The following CNTN2 variants were observed in gnomAD, a reference collection of about 807,000 sequenced individuals.
The protein encoded by CNTN2 is contactin-2.
CNTN2 carries 53 observed loss-of-function variants against 117.5 expected under a neutral mutation model. That is an observed-to-expected ratio of 0.45 (90% CI 0.36 to 0.57). The LOEUF is 0.57. Ranked by LOEUF, CNTN2 falls within the 20% of genes least tolerant of loss-of-function variation. The probability of loss-of-function intolerance (pLI) is 0.00; values close to 1 mark genes in which losing one functional copy is unlikely to be tolerated. For missense variants in CNTN2, 1,106 were observed against 1,404.3 expected (o/e 0.79, Z 3.39); for synonymous variants, 530 against 561.7 (o/e 0.94, Z 0.80).
chr1:205,052,828 CT>C (rs200411079), intron 1 of CNTN2, among the ~76,000 whole-genome samples: 5,982 of 152,310 alleles, frequency 0.039, 185 homozygotes, highest in Non-Finnish European at 0.062. Flanking sequence ...ACTGCTTTCA[CT>C]TCCTAAGCGG....
At chr1:205,069,705 G>T in intron 17 of CNTN2, 122 bp from the exon 18 acceptor site, 1 of 1,408,730 alleles carries the variant, frequency 7.1e-7, no homozygotes, top group Non-Finnish European at 9.8e-7. Context: ...CCCCTTACGC[G>T]AATCCACGCT....
At chr1:205,055,072 G>T (rs2096458920) in intron 2 of CNTN2, among the ~76,000 whole-genome samples, 1 of 152,078 alleles carries the variant, frequency 6.6e-6, no homozygotes, top group Admixed American at 6.6e-5. Context: ...GGAGTGCAGT[G>T]GTGTGATCTT....
At chr1:205,047,170 G>A (rs947787475) in intron 1 of CNTN2, among the ~76,000 whole-genome samples, 2 of 152,146 alleles carry the variant, frequency 1.3e-5, no homozygotes, top group Admixed American at 6.5e-5. Context: ...GGGGCTGCAC[G>A]ACACCCCTGG....
intron 1 of CNTN2, among the ~76,000 whole-genome samples, chr1:205,050,106 G>A (rs1430078556): frequency 6.6e-6 from 1 of 152,192 alleles, no homozygotes; most frequent in Non-Finnish European, 1.5e-5. Context: ...CCCAGCTCAC[G>A]AAGCTGTTCA....
At chr1:205,052,514 G>A (rs2151185372) in intron 1 of CNTN2, among the ~76,000 whole-genome samples, 1 of 152,312 alleles carries the variant, frequency 6.6e-6, no homozygotes, top group East Asian at 1.9e-4. Context: ...CCATCTGGTT[G>A]GGGGCATTGC....
At position 205,061,541 on chromosome 1, in the gene CNTN2, G is replaced by A. The variant is rs145972453; in HGVS notation, c.973+121G>A. The A allele has an allele frequency of 6.7e-5, 81 of 1,211,196 alleles. 1 individual carries two copies. The East Asian group carries it at 1.8e-3, about 27-fold the overall frequency. The allele number at this position is 1,211,196 out of a possible 1,614,324, so 75.0% of individuals were successfully genotyped here. Reference sequence around the variant, plus strand: ...ACTGGGAGGCCCCCTGCATGAGCCTGCTTGCCCTAGGACTGCACTGAGTCT... The same window carrying A: ...ACTGGGAGGCCCCCTGCATGAGCCTACTTGCCCTAGGACTGCACTGAGTCT... On this transcript the variant is annotated intron_variant, in intron 8 of 22. Coordinates refer to ENST00000331830, the MANE Select transcript of CNTN2 (RefSeq NM_005076.5). The surrounding 1 kb of genome is among the most constrained non-coding windows in gnomAD (Gnocchi z 4.8).
At chr1:205,043,554 CT>C (rs1457698932) in intron 1 of CNTN2, among the ~76,000 whole-genome samples, 160 bp downstream of exon 1, 4 of 152,194 alleles carry the variant, frequency 2.6e-5, no homozygotes, top group Non-Finnish European at 4.4e-5. Flanking sequence ...GACTTCTCCC[CT>C]CAGCCCCAGG....
rs749856453 is a variant in CNTN2, at chr1:205,073,723, C to T, written c.3081C>T (p.His1027=). Residue 1027 remains histidine (H), a synonymous_variant, in exon 23 of 23, where the codon CAC becomes CAT. Coordinates refer to ENST00000331830, the MANE Select transcript of CNTN2 (RefSeq NM_005076.5). The surrounding 1 kb of genome is among the most constrained non-coding windows in gnomAD (Gnocchi z 6.3). ...CACACCCTGGCACCGTCATTTCCCA[C>T]TCCGTGGCGATGCTGATCCTCATAG... ...PAPHPGTVIS[H]SVAMLILIGS... 24 of 1,613,972 alleles carry T rather than the reference C, an allele frequency of 1.5e-5. No individual in the cohort carries two copies. The highest frequency in any genetic ancestry group is 1.9e-5 in the Non-Finnish European group (23 of 1,180,044).
Position 205,062,084 on chromosome 1 carries a change from C to T in CNTN2, c.1110+83C>T, listed in dbSNP as rs781274833. 9.2e-6 allele frequency: 14 copies of T among 1,517,664 alleles called. No individual in the cohort carries two copies. The South Asian group carries it at 9.6e-5, about 10-fold the overall frequency. The allele number at this position is 1,517,664 out of a possible 1,614,324, so 94.0% of individuals were successfully genotyped here. On this transcript the variant is annotated intron_variant, in intron 9 of 22. Coordinates refer to ENST00000331830, the MANE Select transcript of CNTN2 (RefSeq NM_005076.5). ...CCTCCCCCGCCCAGAACTTCCCCTGCACCACTAGTAGCCCCTCTGGGCTAA... is the reference window on the plus strand; with the variant it reads ...CCTCCCCCGCCCAGAACTTCCCCTGTACCACTAGTAGCCCCTCTGGGCTAA...
At chr1:205,064,198 T>C (rs1654143683) in intron 10 of CNTN2, 124 bp from the exon 11 acceptor site, 3 of 1,083,020 alleles carry the variant, frequency 2.8e-6, no homozygotes, top group Non-Finnish European at 3.9e-6. Context: ...GGCTTGGTTC[T>C]GGATGCATTC....
intron 1 of CNTN2, among the ~76,000 whole-genome samples, chr1:205,050,911 G>T (rs1002785373): frequency 6.6e-6 from 1 of 152,248 alleles, no homozygotes; most frequent in Non-Finnish European, 1.5e-5. Context: ...GAGCCACGGT[G>T]CCCGGCCTTC....
In CNTN2 at chr1:205,072,068, G is replaced by A. The variant is rs1654622722; in HGVS notation, c.2666G>A (p.Arg889Lys). Residue 889 changes from arginine to lysine, a missense_variant, in exon 20 of 23, where the codon AGG becomes AAG. Coordinates refer to ENST00000331830, the MANE Select transcript of CNTN2 (RefSeq NM_005076.5). ...AACACCAAGTACCATGTGACCGTGA[G>A]GGCCTACAACCGGGCTGGCACTGGG... ...HPNTKYHVTV[R>K]AYNRAGTGPA... 6.2e-7 allele frequency: 1 copy of A among 1,614,126 alleles called. No individual in the cohort carries two copies. The highest frequency in any genetic ancestry group is 1.1e-5 in the South Asian group (1 of 91,076).
chr1:205,046,564 G>C (rs943975268), intron 1 of CNTN2, among the ~76,000 whole-genome samples: 1 of 152,164 alleles, frequency 6.6e-6, no homozygotes, highest in African/African-American at 2.4e-5. Context: ...TAGCTTGAGA[G>C]GAGGAGCAGG....
At chr1:205,066,731 TG>T in intron 15 of CNTN2, 132 bp downstream of exon 15, 1 of 1,062,258 alleles carries the variant, frequency 9.4e-7, no homozygotes, top group Non-Finnish European at 1.3e-6. Context: ...GGACAAGATC[TG>T]TCCTCTGCCA....
At chr1:205,071,782 A>G (rs1296379012) in intron 19 of CNTN2, among the ~76,000 whole-genome samples, 165 bp from the exon 20 acceptor site, 1 of 152,074 alleles carries the variant, frequency 6.6e-6, no homozygotes, top group East Asian at 1.9e-4. Flanking sequence ...TCACACCCAC[A>G]TGGCCCTGCT....
Position 205,058,749 on chromosome 1 carries a change from A to G in CNTN2, c.487+86A>G. On this transcript the variant is annotated intron_variant, in intron 5 of 22. Coordinates refer to ENST00000331830, the MANE Select transcript of CNTN2 (RefSeq NM_005076.5). The surrounding 1 kb of genome is among the most constrained non-coding windows in gnomAD (Gnocchi z 4.3). ...CAGAGGAAGGATGGAATAAAAGGAG[A>G]CCCCTGGAAATGACCCTTAGAAGCA... 9.4e-7 allele frequency: 1 copy of G among 1,065,226 alleles called. No individual in the cohort carries two copies. The highest frequency in any genetic ancestry group is 1.4e-6 in the Non-Finnish European group (1 of 733,018). The allele number at this position is 1,065,226 out of a possible 1,614,324, so 66.0% of individuals were successfully genotyped here.
At chr1:205,067,079 T>C (rs1156311161) in intron 15 of CNTN2, 22 bp from the exon 16 acceptor site, 10 of 1,590,154 alleles carry the variant, frequency 6.3e-6, no homozygotes, top group Non-Finnish European at 7.7e-6. Context: ...TGCTGGAATA[T>C]GGACTCCCTG....
chr1:205,060,877 G>C (rs1336978693), intron 7 of CNTN2: 1 of 219,904 alleles, frequency 4.5e-6, no homozygotes, highest in Non-Finnish European at 8.9e-6. Context: ...CAACGGAAAA[G>C]AGAACCCGTA....
Position 205,048,267 on chromosome 1 carries a change from G to A in CNTN2, c.-86-4833G>A, listed in dbSNP as rs1029270809. Among the ~76,000 whole-genome samples the A allele has an allele frequency of 2.0e-5, 3 of 152,156 alleles. No individual in the cohort carries two copies. Among genetic ancestry groups the A allele is most frequent in the African/African-American group, 4.8e-5 (2 of 41,418 alleles). Reference sequence around the variant, plus strand: ...CCAGTAGGGAGAACTCTGGGGTGGAGGGTGTACCTTTTATTTTTTGACTGG... The same window carrying A: ...CCAGTAGGGAGAACTCTGGGGTGGAAGGTGTACCTTTTATTTTTTGACTGG... On this transcript the variant is annotated intron_variant, in intron 1 of 22. Coordinates refer to ENST00000331830, the MANE Select transcript of CNTN2 (RefSeq NM_005076.5). This position sits in a 1 kb window ranked among gnomAD's most constrained non-coding sequence, Gnocchi z 4.1.
Sources: allele counts gnomAD v4.1 joint callset (sites outside exome capture counted in the v4.1 genomes callset), GRCh38; gene constraint gnomAD v4.1.1; non-coding constraint Gnocchi (gnomAD v3.1); transcripts MANE v1.5; gene names NCBI Gene and HGNC (gene_info 2026-07-23, HGNC 2026-07-21).